Variants in METTL26 observed in about 807,000 individuals in gnomAD.
METTL26 encodes the protein methyltransferase-like 26.
In METTL26, 28 loss-of-function variants were observed where a neutral mutation model predicts 24.7. The ratio of observed to expected loss-of-function variants is 1.13; its 90% CI spans 0.84 to 1.55. The LOEUF (loss-of-function observed/expected upper bound fraction) is 1.55, where lower values mean the gene tolerates loss of function less well. Among genes scored for constraint, METTL26 ranks in the 40% most tolerant of loss-of-function variants. The probability of loss-of-function intolerance (pLI) is 0.00; values close to 1 mark genes in which losing one functional copy is unlikely to be tolerated. For missense variants in METTL26, 344 were observed against 281.2 expected (o/e 1.22, Z -1.60); for synonymous variants, 165 against 125.2 (o/e 1.32, Z -2.12).
At position 634,928 on chromosome 16, in the gene METTL26, G is replaced by A. The variant is rs777948352; in HGVS notation, c.449C>T (p.Pro150Leu). The A allele has an allele frequency of 1.9e-6, 3 of 1,606,640 alleles. No individual in the cohort carries two copies. The highest frequency in any genetic ancestry group is 1.7e-4 in the Middle Eastern group (1 of 6,042). ...CAGGTCAAAGTCCACGTTGCTCTGG[G>A]GGGAGATCTTCCCATTGATGGCATA... ...GPYAINGKIS[P>L]QSNVDFDLML... The change falls in exon 4 of 6, where the codon CCC becomes CTC. Residue 150 changes from proline (P) to leucine (L), a missense_variant. Transcript: ENST00000301686.
chr16:635,579 AC>A (rs1255366289), intron 2 of METTL26, 32 bp downstream of exon 2: 8 of 1,546,790 alleles, frequency 5.2e-6, no homozygotes, highest in Non-Finnish European at 7.0e-6. Context: ...GAGTGGTGCC[AC>A]GGCAGACACC....
rs1433646691 is a variant in METTL26, at chr16:636,139, AG to A, written c.151del (p.Leu51TrpfsTer26). ...CACGTCCGACGGCTGCCACTCGGCC[AG>A]GGGGAAGGCCCGCGCGAAGTGCGCT... ...HAAHFARAFP[L>X]AEWQPSDVDQ... On this transcript the variant is annotated frameshift_variant, in exon 1 of 6. Coordinates refer to ENST00000301686, the MANE Select transcript of METTL26 (RefSeq NM_032366.5). LOFTEE classifies it high-confidence loss of function. 5 of 1,442,132 alleles carry A rather than the reference AG, an allele frequency of 3.5e-6. No homozygotes were observed. Among genetic ancestry groups the A allele is most frequent in the African/African-American group, 1.5e-5 (1 of 66,726 alleles). 89.3% of individuals were successfully genotyped at this position (1,442,132 alleles called of 1,614,324 possible). A position where few individuals can be genotyped will look rare whatever the true frequency, so the allele number is the denominator to read the frequency against.
At chr16:635,960 C>T in intron 1 of METTL26, 134 bp downstream of exon 1, 2 of 1,358,050 alleles carry the variant, frequency 1.5e-6, no homozygotes. Flanking sequence ...GGGCCTGCCC[C>T]GGGGGCACCC....
At chr16:635,069 C>A (rs1308894398) in intron 3 of METTL26, 113 bp from the exon 4 acceptor site, 3 of 1,522,932 alleles carry the variant, frequency 2.0e-6, no homozygotes, top group African/African-American at 1.4e-5. Flanking sequence ...CCTCCCTGTC[C>A]CCAAGAGGGA....
Position 634,595 on chromosome 16 carries a change from G to A in METTL26, c.*2C>T. On this transcript the variant is annotated 3_prime_UTR_variant, in exon 6 of 6. Coordinates refer to ENST00000301686, the MANE Select transcript of METTL26 (RefSeq NM_032366.5). Reference sequence around the variant, plus strand: ...GCAGGTGTGCGGGGGTGAAGGAGGGGCTTAGTTTTTCCGGAAGATCAGGCA... The same window carrying A: ...GCAGGTGTGCGGGGGTGAAGGAGGGACTTAGTTTTTCCGGAAGATCAGGCA... 6.2e-7 allele frequency: 1 copy of A among 1,613,344 alleles called. No individual in the cohort carries two copies. The highest frequency in any genetic ancestry group is 1.3e-5 in the African/African-American group (1 of 75,072).
rs1235440016 is a variant in METTL26 at position 636,258 on chromosome 16, C to T, written c.33G>A (p.Lys11=). 1 of 1,466,750 alleles carries T rather than the reference C, an allele frequency of 6.8e-7. No individual in the cohort carries two copies. The allele number at this position is 1,466,750 out of a possible 1,614,324, so 90.9% of individuals were successfully genotyped here. The change falls in exon 1 of 6, where the codon AAG becomes AAA. Residue 11 remains lysine (K), a synonymous_variant. Coordinates refer to ENST00000301686, the MANE Select transcript of METTL26 (RefSeq NM_032366.5). The stretch of plus-strand genomic sequence containing the variant: ...GCCGCAGCACGTGCAAGATGGGATC[C>T]TTGTTCCGCTCCGCGGCCGCCGCCA... MLVAAAAERN[K]DPILHVLRQY...
In METTL26 at chr16:635,275, A is replaced by C. The variant is rs368366802; in HGVS notation, c.420+6T>G. The C allele has an allele frequency of 1.1e-5, 17 of 1,576,826 alleles. No individual in the cohort carries two copies. In the African/African-American group the frequency reaches 1.5e-4, roughly 14 times the overall value. Reference sequence around the variant, plus strand: ...CGGGAGGCCCGCCGTGGACAGGCCCACTCACCCCGTAGGTGATGAGCAGGG... The same window carrying C: ...CGGGAGGCCCGCCGTGGACAGGCCCCCTCACCCCGTAGGTGATGAGCAGGG... On this transcript the variant is annotated splice_donor_region_variant and intron_variant, in intron 3 of 5. Transcript: ENST00000301686.
At position 634,716 on chromosome 16, in the gene METTL26, T is replaced by TACC; in HGVS notation, c.567_567+2dup. ...TTGCCTGGGCCCCCGCTCCCCCACC[T>TACC]ACCATCCTCTCCAGGAGCAGGCCAC... On this transcript the variant is annotated splice_region_variant and intron_variant, in intron 5 of 5. Coordinates refer to ENST00000301686, the MANE Select transcript of METTL26 (RefSeq NM_032366.5). The TACC allele has an allele frequency of 6.2e-7, 1 of 1,612,854 alleles. No individual in the cohort carries two copies. Among genetic ancestry groups the TACC allele is most frequent in the Non-Finnish European group, 8.5e-7 (1 of 1,179,954 alleles).
At chr16:635,187 G>T in intron 3 of METTL26, 94 bp downstream of exon 3, 12 of 1,480,206 alleles carry the variant, frequency 8.1e-6, no homozygotes, top group South Asian at 1.3e-5. Context: ...GGCTGGGCGG[G>T]GGGCAGGGAG....
rs542921486 is a variant in METTL26, at chr16:634,488, G to C, written c.*109C>G. The C allele has an allele frequency of 8.1e-6, 13 of 1,596,696 alleles. No individual in the cohort carries two copies. In the East Asian group the frequency reaches 2.7e-4, roughly 33 times the overall value. ...TGGGCCCTTCGGCCAGCGGCTGAGA[G>C]CACAGACTGGGTGGGGCTGTCGTCC... On this transcript the variant is annotated 3_prime_UTR_variant, in exon 6 of 6. Coordinates refer to ENST00000301686, the MANE Select transcript of METTL26 (RefSeq NM_032366.5).
In METTL26 at chr16:635,695, G is replaced by T; in HGVS notation, c.277C>A (p.His93Asn). ...LHLDVTWGWE[H>N]WGGILPQSLD... ...GACTGTGGCAGGATCCCGCCCCAGT[G>T]CTCCCAGCCCCACGTCACGTCCAGG... The change falls in exon 2 of 6, where the codon CAC (histidine) becomes AAC (asparagine). Residue 93 changes from histidine to asparagine, a missense_variant. By Grantham distance (68) the His-to-Asn change is moderately conservative. Coordinates refer to ENST00000301686, the MANE Select transcript of METTL26 (RefSeq NM_032366.5). 6.4e-7 allele frequency: 1 copy of T among 1,562,450 alleles called. No individual in the cohort carries two copies.
Position 634,766 on chromosome 16 carries a change from G to A in METTL26, c.520C>T (p.Leu174Phe). 2 of 1,612,440 alleles carry A rather than the reference G, an allele frequency of 1.2e-6. No homozygotes were observed. Among genetic ancestry groups the A allele is most frequent in the Non-Finnish European group, 1.7e-6 (2 of 1,179,720 alleles). The change falls in exon 5 of 6, where the codon CTC (leucine) becomes TTC (phenylalanine). Residue 174 changes from leucine (L) to phenylalanine (F), a missense_variant. Physicochemically the swap from Leu to Phe is conservative, Grantham distance 22. Transcript: ENST00000301686. Reference sequence around the variant, plus strand: ...CTGGCCTTTCCCAGGTCCTCCAGGAGGGCTGTGTCCCGAAGCCCCCATTCT... The same window carrying A: ...CTGGCCTTTCCCAGGTCCTCCAGGAAGGCTGTGTCCCGAAGCCCCCATTCT... Reference protein sequence around the residue: ...NPEWGLRDTALLEDLGKASGL... With the variant: ...NPEWGLRDTAFLEDLGKASGL...
Position 634,701 on chromosome 16 carries a change from C to G in METTL26, c.567+18G>C. 1 of 1,612,888 alleles carries G rather than the reference C, an allele frequency of 6.2e-7. No individual in the cohort carries two copies. The highest frequency in any genetic ancestry group is 8.5e-7 in the Non-Finnish European group (1 of 1,179,962). On this transcript the variant is annotated intron_variant, in intron 5 of 5. Transcript: ENST00000301686. Reference sequence around the variant, plus strand: ...CAACCCCTAGAGAGGTTGCCTGGGCCCCCGCTCCCCCACCTACCATCCTCT... The same window carrying G: ...CAACCCCTAGAGAGGTTGCCTGGGCGCCCGCTCCCCCACCTACCATCCTCT...
chr16:634,858 C>G (rs375707185), intron 4 of METTL26, 31 bp downstream of exon 4: 2 of 1,572,546 alleles, frequency 1.3e-6, no homozygotes, highest in Non-Finnish European at 1.7e-6. Context: ...CACCTGCCAC[C>G]TGAGCCAGAC....
Position 636,242 on chromosome 16 carries a change from C to T in METTL26, c.49G>A (p.Val17Met), listed in dbSNP as rs1463660490. ...GCCGGATCCAGGTACTGCCGCAGCACGTGCAAGATGGGATCCTTGTTCCGC... is the reference window on the plus strand; with the variant it reads ...GCCGGATCCAGGTACTGCCGCAGCATGTGCAAGATGGGATCCTTGTTCCGC... Reference protein sequence around the residue: ...AERNKDPILHVLRQYLDPAQR... With the variant: ...AERNKDPILHMLRQYLDPAQR... Residue 17 changes from valine to methionine, a missense_variant, in exon 1 of 6, where the codon GTG becomes ATG. By Grantham distance (21) the Val-to-Met change is conservative. Transcript: ENST00000301686. The T allele has an allele frequency of 3.4e-6, 5 of 1,490,914 alleles. No individual in the cohort carries two copies. Among genetic ancestry groups the T allele is most frequent in the Middle Eastern group, 2.4e-4 (1 of 4,250 alleles). The allele number at this position is 1,490,914 out of a possible 1,614,324, so 92.4% of individuals were successfully genotyped here. A position where few individuals can be genotyped will look rare whatever the true frequency, so the allele number is the denominator to read the frequency against.
At chr16:635,572 T>A (rs1964740828) in intron 2 of METTL26, 40 bp downstream of exon 2, 1 of 1,545,396 alleles carries the variant, frequency 6.5e-7, no homozygotes, top group Non-Finnish European at 8.7e-7. Context: ...GCAGGGTGAG[T>A]GGTGCCACGG....
At position 635,704 on chromosome 16, in the gene METTL26, C is replaced by T; in HGVS notation, c.268G>A (p.Gly90Ser). The change falls in exon 2 of 6, where the codon GGC (glycine) becomes AGC (serine). Residue 90 changes from glycine (G) to serine (S), a missense_variant. Coordinates refer to ENST00000301686, the MANE Select transcript of METTL26 (RefSeq NM_032366.5). The part of the protein sequence containing the change: ...KAPLHLDVTW[G>S]WEHWGGILPQ... The stretch of plus-strand genomic sequence containing the variant: ...AGGATCCCGCCCCAGTGCTCCCAGC[C>T]CCACGTCACGTCCAGGTGTAGCGGG... 6.4e-7 allele frequency: 1 copy of T among 1,566,558 alleles called. No homozygotes were observed.
At chr16:635,589 C>T (rs1004320906) in intron 2 of METTL26, 23 bp downstream of exon 2, 53 of 1,548,078 alleles carry the variant, frequency 3.4e-5, no homozygotes, top group Non-Finnish European at 4.4e-5. Context: ...ACGGCAGACA[C>T]CCATGCTGGG....
chr16:635,047 G>GA (rs1401677989), intron 3 of METTL26, 91 bp from the exon 4 acceptor site: 1 of 1,532,000 alleles, frequency 6.5e-7, no homozygotes. Context: ...TTTGGAGAAT[G>GA]AAAGGGCACC....
Sources: allele counts gnomAD v4.1 joint callset, GRCh38; gene constraint gnomAD v4.1.1; transcripts MANE v1.5; gene names NCBI Gene and HGNC (gene_info 2026-07-23, HGNC 2026-07-21).